Variants in MFSD2B observed in about 807,000 individuals in gnomAD.
MFSD2B encodes MFSD2 lysolipid transporter B, sphingolipid, also known as sphingosine-1-phosphate transporter MFSD2B.
Under a neutral mutation model 58.4 loss-of-function variants are expected in MFSD2B, and 56 were observed. That is an observed-to-expected ratio of 0.96 (90% CI 0.77 to 1.20). MFSD2B has a LOEUF of 1.20. Ranked by LOEUF, MFSD2B falls within the 50% of genes most tolerant of loss-of-function variation. The probability of loss-of-function intolerance (pLI) is 0.00; values close to 1 mark genes in which losing one functional copy is unlikely to be tolerated. For missense variants in MFSD2B, 645 were observed against 667.6 expected (o/e 0.97, Z 0.37); for synonymous variants, 287 against 294.4 (o/e 0.97, Z 0.26).
rs558399542 is a variant in MFSD2B, at chr2:24,024,923, G to A, written c.1491-509G>A. 6.6e-6 allele frequency among the ~76,000 whole-genome samples: 1 copy of A among 152,186 alleles called. No individual in the cohort carries two copies. Among genetic ancestry groups the A allele is most frequent in the East Asian group, 1.9e-4 (1 of 5,172 alleles). On this transcript the variant is annotated intron_variant, in intron 13 of 13. Coordinates refer to ENST00000338315, the MANE Select transcript of MFSD2B (RefSeq NM_001346880.2). The surrounding 1 kb of genome is among the most constrained non-coding windows in gnomAD (Gnocchi z 4.3). ...TCTACTCACTGTCTGACCTTCCGGG[G>A]AGGCTATGGGAACCTTGAAGGCTGA...
rs771879358 is a variant in MFSD2B, at chr2:24,022,528, TG to T, written c.978+16del. 10 of 1,608,470 alleles carry T rather than the reference TG, an allele frequency of 6.2e-6. No individual in the cohort carries two copies. Among genetic ancestry groups the T allele is most frequent in the Non-Finnish European group, 7.6e-6 (9 of 1,177,102 alleles). On this transcript the variant is annotated intron_variant, in intron 9 of 13. Coordinates refer to ENST00000338315, the MANE Select transcript of MFSD2B (RefSeq NM_001346880.2). The surrounding 1 kb of genome is among the most constrained non-coding windows in gnomAD (Gnocchi z 4.5). ...TACTAACTGTCCTGGTGAGGGGGCC[TG>T]GGGTGGTGGAGGCTAGGTCACTTGG...
chr2:24,013,006 G>C (rs1204862046), intron 1 of MFSD2B: 1 of 303,090 alleles, frequency 3.3e-6, no homozygotes, highest in Non-Finnish European at 6.1e-6. Flanking sequence ...TTACACGGCC[G>C]TGCTGACTCA....
chr2:24,025,512 A>G lies in MFSD2B; in HGVS notation c.*56A>G, dbSNP rs562433332. ...GGAGCCAGCACCCTCGGGGCCTGAC[A>G]TCGCCCTCCTCAGCCCTCCAGCACC... On this transcript the variant is annotated 3_prime_UTR_variant, in exon 14 of 14. Transcript: ENST00000338315. 6.7e-3 allele frequency: 9,843 copies of G among 1,478,924 alleles called. 52 individuals carry two copies. Among genetic ancestry groups the G allele is most frequent in the Non-Finnish European group, 8.2e-3 (8,977 of 1,094,762 alleles). 91.6% of individuals were successfully genotyped at this position (1,478,924 alleles called of 1,614,324 possible). A position where few individuals can be genotyped will look rare whatever the true frequency, so the allele number is the denominator to read the frequency against.
chr2:24,022,297 G>T lies in MFSD2B; in HGVS notation c.895-136G>T. The T allele has an allele frequency of 1.3e-6, 1 of 747,532 alleles. No homozygotes were observed. The highest frequency in any genetic ancestry group is 1.5e-5 in the South Asian group (1 of 66,236). 46.3% of individuals were successfully genotyped at this position (747,532 alleles called of 1,614,324 possible). A position where few individuals can be genotyped will look rare whatever the true frequency, so the allele number is the denominator to read the frequency against. On this transcript the variant is annotated intron_variant, in intron 8 of 13. Coordinates refer to ENST00000338315, the MANE Select transcript of MFSD2B (RefSeq NM_001346880.2). This position sits in a 1 kb window ranked among gnomAD's most constrained non-coding sequence, Gnocchi z 4.5. ...TGTGTTGGGGATAAGTGTCCTTTGT[G>T]GGGGAAGGGACTGTATGATGGTAGC...
At chr2:24,016,116 C>T (rs1180583118) in intron 2 of MFSD2B, 40 bp from the exon 3 acceptor site, 1 of 1,610,868 alleles carries the variant, frequency 6.2e-7, no homozygotes, top group Non-Finnish European at 8.5e-7. Flanking sequence ...TCTGCTGCTG[C>T]TGGGCCTCAG....
chr2:24,016,815 G>A (rs1448824906), intron 3 of MFSD2B, 30 bp from the exon 4 acceptor site: 1 of 1,609,854 alleles, frequency 6.2e-7, no homozygotes, highest in Non-Finnish European at 8.5e-7. Context: ...TGGGTCGGGG[G>A]GCCGCTCCAC....
rs188718007 is a variant in MFSD2B, at chr2:24,022,850, G to A, written c.1007G>A (p.Trp336Ter). ...TCAGCCGTGCTGAGCACCCCGCTGT[G>A]GGAGTGGGTTCTCCAGCGCTTTGGG... ...LVSAVLSTPL[W>*]EWVLQRFGKK... The change falls in exon 10 of 14, where the codon TGG becomes TAG. Residue 336 changes from tryptophan to a stop codon, truncating the protein, a stop_gained. Transcript: ENST00000338315. LOFTEE classifies it high-confidence loss of function. The surrounding 1 kb of genome is among the most constrained non-coding windows in gnomAD (Gnocchi z 4.5). 6.2e-7 allele frequency: 1 copy of A among 1,609,736 alleles called. No individual in the cohort carries two copies. The highest frequency in any genetic ancestry group is 1.3e-5 in the African/African-American group (1 of 74,864).
intron 1 of MFSD2B, 89 bp downstream of exon 1, chr2:24,010,281 G>C: frequency 2.8e-6 from 3 of 1,070,146 alleles, no homozygotes; most frequent in Non-Finnish European, 3.7e-6. Context: ...GCTGGGGGCA[G>C]CCCGGAGGGG....
chr2:24,017,406 CCCCTGGGACCCCACT>C lies in MFSD2B; in HGVS notation c.550+47_551-33del. 1 of 1,596,120 alleles carries C rather than the reference CCCCTGGGACCCCACT, an allele frequency of 6.3e-7. No homozygotes were observed. Among genetic ancestry groups the C allele is most frequent in the Non-Finnish European group, 8.5e-7 (1 of 1,171,746 alleles). ...GTTTCGGGTTCCAGGGAGGCAACTG[CCCCTGGGACCCCACT>C]CCCTCTCAGTCACCTTAAGTGGCAC... On this transcript the variant is annotated intron_variant, in intron 5 of 13. Transcript: ENST00000338315. This position sits in a 1 kb window ranked among gnomAD's most constrained non-coding sequence, Gnocchi z 4.8.
At position 24,022,784 on chromosome 2, in the gene MFSD2B, C is replaced by G; in HGVS notation, c.979-38C>G. 6.8e-7 allele frequency: 1 copy of G among 1,460,566 alleles called. No individual in the cohort carries two copies. Among genetic ancestry groups the G allele is most frequent in the Non-Finnish European group, 9.1e-7 (1 of 1,093,496 alleles). 90.5% of individuals were successfully genotyped at this position (1,460,566 alleles called of 1,614,324 possible). ...TTGGGGTCCCAGGCAAAGGCGCTGG[C>G]AGCACGGCCCTGGCGTGACGATGCT... On this transcript the variant is annotated intron_variant, in intron 9 of 13. Coordinates refer to ENST00000338315, the MANE Select transcript of MFSD2B (RefSeq NM_001346880.2). The surrounding 1 kb of genome is among the most constrained non-coding windows in gnomAD (Gnocchi z 4.5).
chr2:24,021,911 C>T lies in MFSD2B; in HGVS notation c.835C>T (p.Arg279Trp), dbSNP rs199790975. ...SFLAGLSLTT[R>W]HPPYLKLVIS... ...CCTGGCTGGGCTGAGCCTCACTACC[C>T]GGCACCCACCCTACCTGAAGCTGGT... is the stretch of plus-strand genomic sequence containing the variant. The change falls in exon 8 of 14, where the codon CGG (arginine) becomes TGG (tryptophan). Residue 279 changes from arginine to tryptophan, a missense_variant. Physicochemically the swap from Arg to Trp is moderately radical, Grantham distance 101 (BLOSUM62 -3). Transcript: ENST00000338315. This position sits in a 1 kb window ranked among gnomAD's most constrained non-coding sequence, Gnocchi z 5.7. The T allele has an allele frequency of 9.3e-6, 15 of 1,614,012 alleles. No homozygotes were observed. Among genetic ancestry groups the T allele is most frequent in the Middle Eastern group, 1.6e-4 (1 of 6,062 alleles).
rs1447591311 is a variant in MFSD2B, at chr2:24,012,523, G to T, written c.97-762G>T. On this transcript the variant is annotated intron_variant, in intron 1 of 13. Coordinates refer to ENST00000338315, the MANE Select transcript of MFSD2B (RefSeq NM_001346880.2). The surrounding 1 kb of genome is among the most constrained non-coding windows in gnomAD (Gnocchi z 4.5). ...CCTCCCAAAGTGCTGGGTTTATAGG[G>T]ATGAGCCACTGTGCGATTTATGTTA... 2.6e-5 allele frequency among the ~76,000 whole-genome samples: 4 copies of T among 152,154 alleles called. No homozygotes were observed. Among genetic ancestry groups the T allele is most frequent in the Non-Finnish European group, 5.9e-5 (4 of 68,028 alleles).
chr2:24,014,991 C>T (rs1023442760), intron 2 of MFSD2B, among the ~76,000 whole-genome samples: 85 of 152,138 alleles, frequency 5.6e-4, no homozygotes, highest in East Asian at 2.1e-3. Context: ...TGGTGGCACA[C>T]GCCTGTAGTC....
In MFSD2B at chr2:24,022,597, A is replaced by G; in HGVS notation, c.978+81A>G. On this transcript the variant is annotated intron_variant, in intron 9 of 13. Transcript: ENST00000338315. The surrounding 1 kb of genome is among the most constrained non-coding windows in gnomAD (Gnocchi z 4.5). The stretch of plus-strand genomic sequence containing the variant: ...ATGTGTGGTCCTTGATGTGACACAT[A>G]TGGCCAGAGTTCTGGTGGTCAACAT... 4 of 1,184,100 alleles carry G rather than the reference A, an allele frequency of 3.4e-6. No homozygotes were observed. Among genetic ancestry groups the G allele is most frequent in the South Asian group, 1.4e-5 (1 of 73,782 alleles). The allele number at this position is 1,184,100 out of a possible 1,614,324, so 73.3% of individuals were successfully genotyped here.
intron 6 of MFSD2B, among the ~76,000 whole-genome samples, chr2:24,018,956 T>C (rs1662646917): frequency 6.7e-6 from 1 of 150,154 alleles, no homozygotes; most frequent in Non-Finnish European, 1.5e-5. Flanking sequence ...ATTCAGGCCA[T>C]TCTCCTGCCT....
In MFSD2B at chr2:24,017,058, C is replaced by A; in HGVS notation, c.471+90C>A. ...AAGTGTGCTGTGGGGGCAGGGCTGCCGCCCTCCCCACCCGCCTGTGCCTGG... is the reference window on the plus strand; with the variant it reads ...AAGTGTGCTGTGGGGGCAGGGCTGCAGCCCTCCCCACCCGCCTGTGCCTGG... On this transcript the variant is annotated intron_variant, in intron 4 of 13. Transcript: ENST00000338315. This position sits in a 1 kb window ranked among gnomAD's most constrained non-coding sequence, Gnocchi z 4.8. 6.6e-7 allele frequency: 1 copy of A among 1,508,468 alleles called. No homozygotes were observed. Among genetic ancestry groups the A allele is most frequent in the Non-Finnish European group, 8.9e-7 (1 of 1,122,452 alleles). 93.4% of individuals were successfully genotyped at this position (1,508,468 alleles called of 1,614,324 possible).
chr2:24,019,671 A>G (rs1322191816), intron 6 of MFSD2B, among the ~76,000 whole-genome samples: 1 of 152,162 alleles, frequency 6.6e-6, no homozygotes, highest in African/African-American at 2.4e-5. Flanking sequence ...TGCAGTGAGC[A>G]GGGATCACGC....
chr2:24,016,917 G>A lies in MFSD2B; in HGVS notation c.420G>A (p.Leu140=). 6.2e-7 allele frequency: 1 copy of A among 1,613,932 alleles called. No homozygotes were observed. The highest frequency in any genetic ancestry group is 8.5e-7 in the Non-Finnish European group (1 of 1,179,872). ...GGTTCCTGCCCCCCTTCACCAGCCTGCGAGGCCTCTGGTACACGACTTTCT... is the reference window on the plus strand; with the variant it reads ...GGTTCCTGCCCCCCTTCACCAGCCTACGAGGCCTCTGGTACACGACTTTCT... ...FLWFLPPFTS[L]RGLWYTTFYC... The change falls in exon 4 of 14, where the codon CTG becomes CTA. Residue 140 remains leucine (L), a synonymous_variant. Coordinates refer to ENST00000338315, the MANE Select transcript of MFSD2B (RefSeq NM_001346880.2).
At position 24,024,304 on chromosome 2, in the gene MFSD2B, GCA is replaced by G. The variant is rs1662907271; in HGVS notation, c.1490+36_1490+37del. ...CCGCACGCCCCCTGCAGCCAGCGAGGCACAGTGTGGGCTGCTGGGGGAATGAC... is the reference window on the plus strand; with the variant it reads ...CCGCACGCCCCCTGCAGCCAGCGAGGCAGTGTGGGCTGCTGGGGGAATGAC... On this transcript the variant is annotated intron_variant, in intron 13 of 13. Transcript: ENST00000338315. The surrounding 1 kb of genome is among the most constrained non-coding windows in gnomAD (Gnocchi z 4.3). 6.4e-7 allele frequency: 1 copy of G among 1,563,478 alleles called. No individual in the cohort carries two copies. The highest frequency in any genetic ancestry group is 1.4e-5 in the African/African-American group (1 of 73,732).
Sources: gnomAD v4.1 joint callset for allele counts (sites outside exome capture counted in the v4.1 genomes callset) on GRCh38, gnomAD v4.1.1 for gene constraint, Gnocchi (gnomAD v3.1) non-coding constraint, MANE v1.5 for transcripts, NCBI Gene and HGNC (gene_info 2026-07-23, HGNC 2026-07-21) for gene names.